Variants in MED1 observed in about 807,000 individuals in gnomAD.
MED1 encodes mediator of RNA polymerase II transcription subunit 1.
In MED1, 17 loss-of-function variants were observed where a neutral mutation model predicts 121.3. The ratio of observed to expected loss-of-function variants is 0.14; its 90% CI spans 0.10 to 0.21. The LOEUF is 0.21. Among genes scored for constraint, MED1 ranks in the 10% least tolerant of loss-of-function variants. The pLI is 1.00. For synonymous variants in MED1, 661 were observed against 694.4 expected (o/e 0.95, Z 0.76); for missense variants, 1,558 against 1,919.4 (o/e 0.81, Z 3.52).
In MED1 at chr17:39,409,303, T is replaced by C. The variant is rs754631021; in HGVS notation, c.2918A>G (p.Lys973Arg). The C allele has an allele frequency of 6.2e-7, 1 of 1,614,120 alleles. No individual in the cohort carries two copies. Among genetic ancestry groups the C allele is most frequent in the Non-Finnish European group, 8.5e-7 (1 of 1,180,010 alleles). Reference sequence around the variant, plus strand: ...ACTATTACTGGTGCCATTGCCTTCCTTTACCCTCTTTTGAGTCTTTTCTTT... The same window carrying C: ...ACTATTACTGGTGCCATTGCCTTCCCTTACCCTCTTTTGAGTCTTTTCTTT... ...LGKEKTQKRV[K>R]EGNGTSNSTL... is the part of the protein sequence containing the mutation. Residue 973 changes from lysine to arginine, a missense_variant, in exon 17 of 17, where the codon AAG becomes AGG. Transcript: ENST00000300651.
rs1335787462 is a variant in MED1 at position 39,447,649 on chromosome 17, A to G, written c.132+149T>C. The G allele has an allele frequency of 6.1e-6, 3 of 489,130 alleles. No homozygotes were observed. In the East Asian group the frequency reaches 9.7e-5, roughly 16 times the overall value. 30.3% of individuals were successfully genotyped at this position (489,130 alleles called of 1,614,324 possible). A position where few individuals can be genotyped will look rare whatever the true frequency, so the allele number is the denominator to read the frequency against. On this transcript the variant is annotated intron_variant, in intron 2 of 16. Transcript: ENST00000300651. ...TTCATATAAGGGATATTCAACCTGTAGTATAGATACAATAGACTCCTAAAG... is the reference window on the plus strand; with the variant it reads ...TTCATATAAGGGATATTCAACCTGTGGTATAGATACAATAGACTCCTAAAG...
Position 39,406,893 on chromosome 17 carries a change from T to C in MED1, c.*582A>G, listed in dbSNP as rs754042938. Reference sequence around the variant, plus strand: ...AAAGGGTTAAAATATTACAAATAAATAGCTAAAATAATCTTCCCTCCCCCA... The same window carrying C: ...AAAGGGTTAAAATATTACAAATAAACAGCTAAAATAATCTTCCCTCCCCCA... On this transcript the variant is annotated 3_prime_UTR_variant, in exon 17 of 17. Transcript: ENST00000300651. 2.8e-4 allele frequency: 274 copies of C among 985,662 alleles called. No individual in the cohort carries two copies. The highest frequency in any genetic ancestry group is 6.2e-4 in the Admixed American group (10 of 16,248). 61.1% of individuals were successfully genotyped at this position (985,662 alleles called of 1,614,324 possible).
chr17:39,410,326 A>T lies in MED1; in HGVS notation c.1895T>A (p.Val632Asp). 6.2e-7 allele frequency: 1 copy of T among 1,613,820 alleles called. No individual in the cohort carries two copies. Among genetic ancestry groups the T allele is most frequent in the Non-Finnish European group, 8.5e-7 (1 of 1,179,970 alleles). The part of the protein sequence containing the change: ...PTPPHHTPPP[V>D]SSMAGNTKNH... Reference sequence around the variant, plus strand: ...CTTGGTGTTGCCGGCCATCGAAGAGACAGGTGGCGGCGTGTGATGAGGAGG... The same window carrying T: ...CTTGGTGTTGCCGGCCATCGAAGAGTCAGGTGGCGGCGTGTGATGAGGAGG... The change falls in exon 17 of 17, where the codon GTC becomes GAC. Residue 632 changes from valine (V) to aspartate (D), a missense_variant. By Grantham distance (152) the Val-to-Asp change is radical (BLOSUM62 -3). Transcript: ENST00000300651.
chr17:39,435,526 A>G (rs2048610092), intron 6 of MED1, among the ~76,000 whole-genome samples: 1 of 152,112 alleles, frequency 6.6e-6, no homozygotes, highest in Non-Finnish European at 1.5e-5. Flanking sequence ...CTGCCATGAC[A>G]ATGTCAGACA....
At chr17:39,414,157 G>A (rs1289363289) in intron 16 of MED1, among the ~76,000 whole-genome samples, 1 of 151,292 alleles carries the variant, frequency 6.6e-6, no homozygotes, top group Admixed American at 6.6e-5. Flanking sequence ...AACCCGGGAG[G>A]CAGAGGTTGC....
Position 39,410,092 on chromosome 17 carries a change from C to G in MED1, c.2129G>C (p.Arg710Thr), listed in dbSNP as rs1478761710. Residue 710 changes from arginine to threonine, a missense_variant, in exon 17 of 17, where the codon AGG becomes ACG. Arg to Thr is a moderately conservative substitution (Grantham distance 71). This residue lies in a region of MED1 where 793 missense variants were observed against 898.2 expected (regional missense o/e 0.88). Coordinates refer to ENST00000300651, the MANE Select transcript of MED1 (RefSeq NM_004774.4). Reference protein sequence around the residue: ...PKHQTEDDFQRELFSMDVDSQ... With the variant: ...PKHQTEDDFQTELFSMDVDSQ... ...GTCAACATCCATTGAAAATAGCTCC[C>G]TCTGAAAGTCATCTTCAGTCTGGTG... The G allele has an allele frequency of 6.2e-6, 10 of 1,614,096 alleles. No individual in the cohort carries two copies. The South Asian group carries it at 1.1e-4, about 18-fold the overall frequency.
rs201065147 is a variant in MED1, at chr17:39,415,283, C to A, written c.1354G>T (p.Val452Leu). The A allele has an allele frequency of 1.9e-6, 3 of 1,613,920 alleles. No individual in the cohort carries two copies. The highest frequency in any genetic ancestry group is 1.7e-5 in the Admixed American group (1 of 59,970). The change falls in exon 15 of 17, where the codon GTA becomes TTA. Residue 452 changes from valine to leucine, a missense_variant. Transcript: ENST00000300651. The stretch of plus-strand genomic sequence containing the variant: ...TCATTCACAGGGTGCTGAAAAGATA[C>A]GCTGAAACGAGACTCTGAGAGAGGA... ...VCPLSESRFSVSFQHPVNDSL... is the reference protein window; with the variant it reads ...VCPLSESRFSLSFQHPVNDSL...
chr17:39,409,291 C>T lies in MED1; in HGVS notation c.2930G>A (p.Gly977Asp). 1 of 1,614,084 alleles carries T rather than the reference C, an allele frequency of 6.2e-7. No homozygotes were observed. The stretch of plus-strand genomic sequence containing the variant: ...CCCCGAGAGAGTACTATTACTGGTG[C>T]CATTGCCTTCCTTTACCCTCTTTTG... The part of the protein sequence containing the change: ...KTQKRVKEGN[G>D]TSNSTLSGPG... The change falls in exon 17 of 17, where the codon GGC becomes GAC. Residue 977 changes from glycine (G) to aspartate (D), a missense_variant. By Grantham distance (94) the Gly-to-Asp change is moderately conservative (BLOSUM62 -1). Transcript: ENST00000300651.
chr17:39,435,655 C>T (rs1482886588), intron 6 of MED1, among the ~76,000 whole-genome samples: 2 of 152,058 alleles, frequency 1.3e-5, no homozygotes, highest in African/African-American at 2.4e-5. Flanking sequence ...ACCATCTATA[C>T]TAAATGGTAA....
At chr17:39,439,325 T>G in intron 5 of MED1, 132 bp from the exon 6 acceptor site, 1 of 603,616 alleles carries the variant, frequency 1.7e-6, no homozygotes, top group Non-Finnish European at 2.7e-6. Flanking sequence ...GTCCTCATAT[T>G]AAAATATTAA....
rs957710768 is a variant in MED1, at chr17:39,405,172, G to A, written c.*2303C>T. On this transcript the variant is annotated 3_prime_UTR_variant, in exon 17 of 17. Coordinates refer to ENST00000300651, the MANE Select transcript of MED1 (RefSeq NM_004774.4). ...CCTGTGGAGAAATGCAGTGCTCCCT[G>A]GTTCTCAGGCAGGGTGAAGCAGTTT... The A allele has an allele frequency of 6.6e-7, 1 of 1,519,392 alleles. No individual in the cohort carries two copies. Among genetic ancestry groups the A allele is most frequent in the Non-Finnish European group, 8.9e-7 (1 of 1,127,822 alleles). 94.1% of individuals were successfully genotyped at this position (1,519,392 alleles called of 1,614,324 possible). A position where few individuals can be genotyped will look rare whatever the true frequency, so the allele number is the denominator to read the frequency against.
intron 13 of MED1, among the ~76,000 whole-genome samples, chr17:39,421,983 C>T (rs1375765084): frequency 6.6e-6 from 1 of 150,874 alleles, no homozygotes; most frequent in Non-Finnish European, 1.5e-5. Flanking sequence ...AAAAAATTAG[C>T]CAGGCATGGT....
chr17:39,413,979 A>C (rs868367482), intron 16 of MED1, among the ~76,000 whole-genome samples: 8 of 150,404 alleles, frequency 5.3e-5, no homozygotes, highest in Middle Eastern at 3.2e-3. Flanking sequence ...GTAATCCCAG[A>C]ACTTTGGGAG....
chr17:39,419,196 T>A (rs1282041356), intron 14 of MED1, among the ~76,000 whole-genome samples: 4 of 152,010 alleles, frequency 2.6e-5, no homozygotes, highest in East Asian at 3.9e-4. Flanking sequence ...ACAATCCTCC[T>A]GCCTCAGGAT....
intron 16 of MED1, among the ~76,000 whole-genome samples, chr17:39,411,212 G>C (rs971681569): frequency 3.3e-5 from 5 of 151,926 alleles, no homozygotes; most frequent in Non-Finnish European, 7.4e-5. Flanking sequence ...CCAGCTACTC[G>C]GGAGGTTGAG....
chr17:39,425,200 A>AT (rs1192968102), intron 10 of MED1, among the ~76,000 whole-genome samples: 1 of 151,612 alleles, frequency 6.6e-6, no homozygotes. Flanking sequence ...CTATTTATTT[A>AT]TTTTTTTATT....
intron 9 of MED1, among the ~76,000 whole-genome samples, 157 bp downstream of exon 9, chr17:39,430,958 G>A (rs2048560053): frequency 6.6e-6 from 1 of 151,964 alleles, no homozygotes; most frequent in South Asian, 2.1e-4. Flanking sequence ...GGTGGAAGGA[G>A]CAGTAAGCCG....
In MED1 at chr17:39,409,123, G is replaced by A. The variant is rs762602435; in HGVS notation, c.3098C>T (p.Pro1033Leu). The change falls in exon 17 of 17, where the codon CCA becomes CTA. Residue 1033 changes from proline to leucine, a missense_variant. Around this residue, in one of 5 missense-constraint regions of MED1, gnomAD observed 793 missense variants for 898.2 expected, o/e 0.88. Coordinates refer to ENST00000300651, the MANE Select transcript of MED1 (RefSeq NM_004774.4). ...TTTAGATCCACCTGTACTGGTAGGTGGGGTAAAAGGTCTGTTAGAAGAACT... is the reference window on the plus strand; with the variant it reads ...TTTAGATCCACCTGTACTGGTAGGTAGGGTAAAAGGTCTGTTAGAAGAACT... Reference protein sequence around the residue: ...SHSSSNRPFTPPTSTGGSKSP... With the variant: ...SHSSSNRPFTLPTSTGGSKSP... 4.6e-5 allele frequency: 74 copies of A among 1,614,066 alleles called. No individual in the cohort carries two copies. Among genetic ancestry groups the A allele is most frequent in the Non-Finnish European group, 6.1e-5 (72 of 1,180,042 alleles).
chr17:39,438,981 T>C (rs2048646772), intron 6 of MED1, among the ~76,000 whole-genome samples, 184 bp downstream of exon 6: 1 of 152,034 alleles, frequency 6.6e-6, no homozygotes, highest in South Asian at 2.1e-4. Flanking sequence ...AACCCTGGGA[T>C]AGAGTAGGGT....
Sources: allele counts gnomAD v4.1 joint callset (sites outside exome capture counted in the v4.1 genomes callset), GRCh38; gene constraint gnomAD v4.1.1; regional missense constraint gnomAD v4.1.1; transcripts MANE v1.5; gene names NCBI Gene and HGNC (gene_info 2026-07-23, HGNC 2026-07-21).